The following NDST3 variants were observed in gnomAD, a reference collection of about 807,000 sequenced individuals.
NDST3 encodes the protein N-deacetylase and N-sulfotransferase 3.
A neutral mutation model predicts 96.1 loss-of-function variants in NDST3; 58 were observed. The observed-to-expected ratio is 0.60, with a 90% CI of 0.49 to 0.75. NDST3 has a LOEUF of 0.75. Ranked by LOEUF, NDST3 falls within the 30% of genes least tolerant of loss-of-function variation. The probability of loss-of-function intolerance (pLI) is 0.00; values close to 1 mark genes in which losing one functional copy is unlikely to be tolerated. For synonymous variants in NDST3, 333 were observed against 359.7 expected (o/e 0.93, Z 0.84); for missense variants, 788 against 1,034.2 (o/e 0.76, Z 3.27).
At chr4:118,180,554 C>T (rs1736544633) in intron 6 of NDST3, among the ~76,000 whole-genome samples, 1 of 152,038 alleles carries the variant, frequency 6.6e-6, no homozygotes, top group African/African-American at 2.4e-5. Flanking sequence ...CCACTAAATG[C>T]CAGGAAGTAA....
intron 6 of NDST3, among the ~76,000 whole-genome samples, chr4:118,162,283 T>G (rs113777087): frequency 0.066 from 9,999 of 152,016 alleles, 712 homozygotes; most frequent in African/African-American, 0.18. Context: ...AAAAGAGCCC[T>G]CATTGCCAAG....
At chr4:118,239,192 T>A (rs1740864868) in intron 10 of NDST3, among the ~76,000 whole-genome samples, 1 of 152,198 alleles carries the variant, frequency 6.6e-6, no homozygotes, top group Non-Finnish European at 1.5e-5. Context: ...ACAGCTAAGT[T>A]CTTGACAATC....
At chr4:118,109,120 C>CAA (rs888830578) in intron 3 of NDST3, among the ~76,000 whole-genome samples, 1 of 152,186 alleles carries the variant, frequency 6.6e-6, no homozygotes, top group Non-Finnish European at 1.5e-5. Flanking sequence ...CTAACTTTCA[C>CAA]AATGGAGAGC....
At chr4:118,205,194 G>T (rs923802353) in intron 6 of NDST3, among the ~76,000 whole-genome samples, 1 of 143,740 alleles carries the variant, frequency 7.0e-6, no homozygotes, top group African/African-American at 2.6e-5. Flanking sequence ...TTTGTGAATG[G>T]GGAAGATTTT....
chr4:118,057,002 T>C (rs538679905), intron 2 of NDST3, among the ~76,000 whole-genome samples: 2 of 151,950 alleles, frequency 1.3e-5, no homozygotes, highest in East Asian at 1.9e-4. Context: ...CAAGACTAGA[T>C]TGATGTGATG....
intron 4 of NDST3, among the ~76,000 whole-genome samples, chr4:118,127,278 T>C (rs1183821510): frequency 6.6e-6 from 1 of 152,102 alleles, no homozygotes; most frequent in African/African-American, 2.4e-5. Flanking sequence ...AAGACCAATG[T>C]CTTGGAGAGT....
chr4:118,253,637 C>A (rs988059682), intron 13 of NDST3, 36 bp downstream of exon 13: 2 of 1,353,650 alleles, frequency 1.5e-6, no homozygotes, highest in Non-Finnish European at 2.1e-6. Flanking sequence ...ACTAAATCAG[C>A]AAAATGGTAA....
intron 3 of NDST3, among the ~76,000 whole-genome samples, chr4:118,106,905 A>G (rs1441109445): frequency 6.6e-6 from 1 of 152,168 alleles, no homozygotes; most frequent in Non-Finnish European, 1.5e-5. Flanking sequence ...CCTGGCTAAC[A>G]CAGTGAAAAC....
Position 118,207,146 on chromosome 4 carries a change from TACACACACACACACACACAC to T in NDST3, c.1540-17319_1540-17300del, listed in dbSNP as rs67300451. On this transcript the variant is annotated intron_variant, in intron 6 of 13. Transcript: ENST00000296499. ...AAAATAAAAGAAAATTCTGGAAGAA[TACACACACACACACACACAC>T]ACACACACACACACACACACACACA... 1.1e-4 allele frequency among the ~76,000 whole-genome samples: 14 copies of T among 128,782 alleles called. 2 individuals are homozygous for T. Among genetic ancestry groups the T allele is most frequent in the South Asian group, 5.5e-4 (2 of 3,660 alleles). The allele number at this position is 128,782 out of a possible 152,430, so 84.5% of individuals were successfully genotyped here.
intron 6 of NDST3, among the ~76,000 whole-genome samples, chr4:118,213,085 T>C (rs915174559): frequency 7.9e-5 from 12 of 152,240 alleles, no homozygotes; most frequent in African/African-American, 1.4e-4. Flanking sequence ...CAGTTCATTA[T>C]TGATTGCAAG....
chr4:118,149,027 C>T (rs1734173421), intron 6 of NDST3, among the ~76,000 whole-genome samples: 6 of 151,984 alleles, frequency 3.9e-5, no homozygotes, highest in Admixed American at 3.9e-4. Flanking sequence ...TTCCCCATTG[C>T]TTGTTTTTCT....
At chr4:118,231,291 G>T (rs996052925) in intron 8 of NDST3, among the ~76,000 whole-genome samples, 1 of 151,238 alleles carries the variant, frequency 6.6e-6, no homozygotes, top group Non-Finnish European at 1.5e-5. Flanking sequence ...AGCCCAGATC[G>T]TGCCACTGCA....
intron 12 of NDST3, among the ~76,000 whole-genome samples, chr4:118,251,587 A>G (rs1741740086): frequency 6.6e-6 from 1 of 152,142 alleles, no homozygotes; most frequent in Non-Finnish European, 1.5e-5. Context: ...CCATTTTTTG[A>G]AAATCAGTTG....
intron 6 of NDST3, among the ~76,000 whole-genome samples, chr4:118,178,745 T>G (rs536287917): frequency 9.9e-5 from 15 of 152,182 alleles, no homozygotes; most frequent in Non-Finnish European, 1.9e-4. Context: ...TTCAATTTTT[T>G]GAAGAATCAT....
At chr4:118,107,038 C>T (rs952806322) in intron 3 of NDST3, among the ~76,000 whole-genome samples, 2 of 152,078 alleles carry the variant, frequency 1.3e-5, no homozygotes, top group East Asian at 1.9e-4. Flanking sequence ...TGCAGTGAGC[C>T]GAGATTGCGC....
At chr4:118,201,206 C>T (rs1160496434) in intron 6 of NDST3, among the ~76,000 whole-genome samples, 1 of 152,120 alleles carries the variant, frequency 6.6e-6, no homozygotes, top group Non-Finnish European at 1.5e-5. Flanking sequence ...CTAGGTTGAT[C>T]CCATGTCTTT....
At chr4:118,237,368 G>A in intron 10 of NDST3, 148 bp downstream of exon 10, 4 of 551,862 alleles carry the variant, frequency 7.2e-6, no homozygotes, top group Non-Finnish European at 1.1e-5. Context: ...AGTTTTTCTT[G>A]ATTTCTATTG....
Position 118,255,794 on chromosome 4 carries a change from G to A in NDST3, c.*82G>A. The A allele has an allele frequency of 7.2e-7, 1 of 1,380,700 alleles. No individual in the cohort carries two copies. Among genetic ancestry groups the A allele is most frequent in the African/African-American group, 1.5e-5 (1 of 68,420 alleles). 85.5% of individuals were successfully genotyped at this position (1,380,700 alleles called of 1,614,324 possible). ...TTCCAGAAGCTACCAAAAGGCAGTT[G>A]AAAAATATACCTCTTCAAATGAGAA... On this transcript the variant is annotated 3_prime_UTR_variant, in exon 14 of 14. Transcript: ENST00000296499.
chr4:118,176,878 TA>T (rs1177621702), intron 6 of NDST3, among the ~76,000 whole-genome samples: 2 of 151,670 alleles, frequency 1.3e-5, no homozygotes, highest in South Asian at 2.1e-4. Flanking sequence ...AATTTGAAAG[TA>T]AAAAAAACTA....
Sources: allele counts gnomAD v4.1 joint callset (sites outside exome capture counted in the v4.1 genomes callset), GRCh38; gene constraint gnomAD v4.1.1; transcripts MANE v1.5; gene names NCBI Gene and HGNC (gene_info 2026-07-23, HGNC 2026-07-21).